The following MEGF11 variants were observed in gnomAD, a reference collection of about 807,000 sequenced individuals.
The protein encoded by MEGF11 is multiple EGF like domains 11.
MEGF11 carries 126 observed loss-of-function variants against 146.6 expected under a neutral mutation model. That is an observed-to-expected ratio of 0.86 (90% CI 0.74 to 1.00). The LOEUF (loss-of-function observed/expected upper bound fraction) is 1.00. MEGF11 is among the 50% of genes least tolerant of loss of function. The pLI, the probability that MEGF11 is intolerant of heterozygous loss-of-function variation, is 0.00. For missense variants in MEGF11, 1,509 were observed against 1,521.2 expected (o/e 0.99, Z 0.13); for synonymous variants, 532 against 583.4 (o/e 0.91, Z 1.27).
chr15:66,182,565 A>G (rs553544422), intron 1 of MEGF11, among the ~76,000 whole-genome samples: 1 of 152,308 alleles, frequency 6.6e-6, no homozygotes, highest in Admixed American at 6.5e-5. Flanking sequence ...CTGGTGTATT[A>G]TTCGCAGGGA....
At chr15:65,904,959 C>T (rs753181272) in intron 24 of MEGF11, among the ~76,000 whole-genome samples, 1 of 152,230 alleles carries the variant, frequency 6.6e-6, no homozygotes, top group Non-Finnish European at 1.5e-5. Flanking sequence ...GTGGCACGAT[C>T]TGGGTTCACT....
intron 5 of MEGF11, among the ~76,000 whole-genome samples, chr15:66,072,149 T>C (rs1040843082): frequency 3.9e-5 from 6 of 152,226 alleles, no homozygotes; most frequent in African/African-American, 1.4e-4. Context: ...ATAGAAGGCA[T>C]TGTGTGAGCA....
chr15:65,914,927 C>T lies in MEGF11; in HGVS notation c.2473+543G>A, dbSNP rs1433734323. ...CACCCCGCTGAATCTCTTACTCATACTGTCTCAACGTGATTCTCACAACTG... is the reference window on the plus strand; with the variant it reads ...CACCCCGCTGAATCTCTTACTCATATTGTCTCAACGTGATTCTCACAACTG... On this transcript the variant is annotated intron_variant, in intron 19 of 25. Transcript: ENST00000395614. Among the ~76,000 whole-genome samples, 6 of 152,222 alleles carry T rather than the reference C, an allele frequency of 3.9e-5. No homozygotes were observed. In the East Asian group the frequency reaches 1.2e-3, roughly 29 times the overall value.
intron 5 of MEGF11, among the ~76,000 whole-genome samples, chr15:66,037,203 C>T (rs1048908395): frequency 1.1e-4 from 17 of 152,210 alleles, no homozygotes; most frequent in African/African-American, 3.6e-4. Flanking sequence ...TTACACCCCA[C>T]CTGCTCTGGG....
intron 4 of MEGF11, 128 bp from the exon 5 acceptor site, chr15:66,094,622 C>T: frequency 1.4e-6 from 1 of 718,262 alleles, no homozygotes. Context: ...GCATGACTGG[C>T]TTGGGGGGGA....
chr15:65,937,574 G>A (rs1446378590), intron 10 of MEGF11, among the ~76,000 whole-genome samples: 1 of 152,186 alleles, frequency 6.6e-6, no homozygotes, highest in African/African-American at 2.4e-5. Flanking sequence ...CGCCTACAAA[G>A]CCCTCTCCAT....
intron 9 of MEGF11, among the ~76,000 whole-genome samples, chr15:65,959,192 G>T (rs539044658): frequency 6.6e-6 from 1 of 152,168 alleles, no homozygotes; most frequent in Admixed American, 6.5e-5. Flanking sequence ...GGGGAGAGCC[G>T]TTTGTCTTGT....
chr15:65,930,031 G>A, intron 11 of MEGF11, 148 bp from the exon 12 acceptor site: 1 of 822,532 alleles, frequency 1.2e-6, no homozygotes, highest in Non-Finnish European at 1.9e-6. Context: ...ACAGAGTTCA[G>A]AAATACAACA....
chr15:66,102,350 G>T (rs2086854839), intron 4 of MEGF11, among the ~76,000 whole-genome samples: 1 of 12,430 alleles, frequency 8.0e-5, no homozygotes, highest in Admixed American at 1.1e-3. Context: ...ATCAAGCTGA[G>T]TTCCTGCACC....
chr15:66,144,273 C>T (rs992033178), intron 1 of MEGF11, among the ~76,000 whole-genome samples: 5 of 152,138 alleles, frequency 3.3e-5, no homozygotes, highest in Admixed American at 6.5e-5. Context: ...AAAGCTCCCC[C>T]AGGTGATTCC....
In MEGF11 at chr15:65,992,437, CTG is replaced by C. The variant is rs550236188; in HGVS notation, c.395-9951_395-9950del. Among the ~76,000 whole-genome samples, 199 of 76,226 alleles carry C rather than the reference CTG, an allele frequency of 2.6e-3. 2 individuals are homozygous for C. Among genetic ancestry groups the C allele is most frequent in the South Asian group, 8.4e-3 (16 of 1,910 alleles). The allele number at this position is 76,226 out of a possible 152,430, so 50.0% of individuals were successfully genotyped here. On this transcript the variant is annotated intron_variant, in intron 5 of 25. Coordinates refer to ENST00000395614, the MANE Select transcript of MEGF11 (RefSeq NM_001385028.1). ...AATGCAAACAACCCCGTTTGTGCCTCTGTGTGTGTGTGTGGGGGGGGGGGTTA... is the reference window on the plus strand; with the variant it reads ...AATGCAAACAACCCCGTTTGTGCCTCTGTGTGTGTGTGGGGGGGGGGGTTA...
chr15:66,244,311 C>T (rs764858349), intron 1 of MEGF11, among the ~76,000 whole-genome samples: 11 of 152,108 alleles, frequency 7.2e-5, no homozygotes, highest in Admixed American at 5.9e-4. Context: ...CTCTCCTGCT[C>T]GTTACTGGCT....
intron 20 of MEGF11, chr15:65,913,402 G>T: frequency 2.4e-6 from 1 of 414,944 alleles, no homozygotes; most frequent in Non-Finnish European, 4.5e-6. Flanking sequence ...CAGGCATCAG[G>T]TTGGGGAGAC....
intron 25 of MEGF11, 155 bp from the exon 26 acceptor site, chr15:65,898,249 G>A (rs1286527302): frequency 1.0e-6 from 1 of 985,296 alleles, no homozygotes; most frequent in Admixed American, 6.1e-5. Flanking sequence ...TTGCTCAGGA[G>A]ATGGAAAACT....
chr15:66,143,623 C>A (rs1367324527), intron 1 of MEGF11, among the ~76,000 whole-genome samples: 1 of 152,196 alleles, frequency 6.6e-6, no homozygotes, highest in African/African-American at 2.4e-5. Flanking sequence ...AGCGAGATGC[C>A]TCAGGAAAGC....
At chr15:65,961,689 C>T (rs944581541) in intron 9 of MEGF11, among the ~76,000 whole-genome samples, 2 of 152,226 alleles carry the variant, frequency 1.3e-5, no homozygotes, top group Non-Finnish European at 2.9e-5. Context: ...GCAGCCTTGC[C>T]GGAAGGGCAC....
chr15:66,204,194 G>C (rs1261643297), intron 1 of MEGF11, among the ~76,000 whole-genome samples: 1 of 152,148 alleles, frequency 6.6e-6, no homozygotes, highest in African/African-American at 2.4e-5. Flanking sequence ...TTGAGCCCAG[G>C]AGTTTGAAAC....
At chr15:65,983,890 G>A (rs2081749145) in intron 5 of MEGF11, among the ~76,000 whole-genome samples, 1 of 152,236 alleles carries the variant, frequency 6.6e-6, no homozygotes, top group Admixed American at 6.5e-5. Context: ...CAAGGTTCCA[G>A]TGTGGCCAGT....
At chr15:66,011,578 G>T (rs139475245) in intron 5 of MEGF11, among the ~76,000 whole-genome samples, 1 of 152,136 alleles carries the variant, frequency 6.6e-6, no homozygotes, top group South Asian at 2.1e-4. Flanking sequence ...GGCAAGTCGC[G>T]TAACTCCTCT....
Sources: allele counts gnomAD v4.1 joint callset (sites outside exome capture counted in the v4.1 genomes callset), GRCh38; gene constraint gnomAD v4.1.1; transcripts MANE v1.5; gene names NCBI Gene and HGNC (gene_info 2026-07-23, HGNC 2026-07-21).